Variants in DGKB observed in about 807,000 individuals in gnomAD.
The protein encoded by DGKB is diacylglycerol kinase beta, also known as 90 kDa diacylglycerol kinase.
In DGKB, 67 loss-of-function variants were observed where a neutral mutation model predicts 114.3. The ratio of observed to expected loss-of-function variants is 0.59; its 90% CI spans 0.48 to 0.72. The LOEUF (loss-of-function observed/expected upper bound fraction) is 0.72, where lower values mean the gene tolerates loss of function less well. Among genes scored for constraint, DGKB ranks in the 30% least tolerant of loss-of-function variants. DGKB has a pLI of 0.00. For missense variants in DGKB, 907 were observed against 975.2 expected (o/e 0.93, Z 0.93); for synonymous variants, 398 against 323.1 (o/e 1.23, Z -2.49).
chr7:14,755,511 C>A (rs1197912213), intron 3 of DGKB, among the ~76,000 whole-genome samples: 4 of 151,982 alleles, frequency 2.6e-5, no homozygotes, highest in Non-Finnish European at 5.9e-5. Context: ...TCCATTTTTT[C>A]TTGTATAATT....
chr7:14,427,367 C>G (rs2128779065), intron 21 of DGKB, among the ~76,000 whole-genome samples: 1 of 152,220 alleles, frequency 6.6e-6, no homozygotes, highest in African/African-American at 2.4e-5. Context: ...TTGGTCAAAG[C>G]CATTCAACAA....
chr7:14,209,019 A>AGTGTAG, intron 23 of DGKB: 1 of 156,606 alleles, frequency 6.4e-6, no homozygotes, highest in South Asian at 1.9e-4. Flanking sequence ...TTACTGGAGT[A>AGTGTAG]ATATCGACAT....
At chr7:14,870,121 G>C (rs1200902368) in intron 1 of DGKB, among the ~76,000 whole-genome samples, 3 of 152,076 alleles carry the variant, frequency 2.0e-5, no homozygotes, top group Non-Finnish European at 4.4e-5. Flanking sequence ...CCACCTGTAT[G>C]AAAAACCTTT....
At chr7:14,868,238 C>A (rs1200445677) in intron 1 of DGKB, among the ~76,000 whole-genome samples, 2 of 152,060 alleles carry the variant, frequency 1.3e-5, no homozygotes, top group Admixed American at 1.3e-4. Flanking sequence ...GGTACACATT[C>A]TTCAAAGCAA....
chr7:14,954,118 G>A (rs1453782658), intron 1 of DGKB, among the ~76,000 whole-genome samples: 11 of 152,048 alleles, frequency 7.2e-5, no homozygotes, highest in Admixed American at 7.2e-4. Context: ...CTTACAGTAG[G>A]TGTAGAAAGG....
intron 1 of DGKB, among the ~76,000 whole-genome samples, chr7:14,927,509 G>A (rs565723732): frequency 5.3e-5 from 8 of 151,642 alleles, no homozygotes; most frequent in African/African-American, 1.9e-4. Flanking sequence ...CTCTCTAATT[G>A]AAACATTTTA....
chr7:14,741,001 G>A (rs1047234284), intron 4 of DGKB, among the ~76,000 whole-genome samples: 1 of 152,096 alleles, frequency 6.6e-6, no homozygotes, highest in Non-Finnish European at 1.5e-5. Context: ...GTAGCCATTC[G>A]TCTTCAGTCT....
chr7:14,699,705 G>A (rs1035043577), intron 7 of DGKB, among the ~76,000 whole-genome samples: 1 of 152,070 alleles, frequency 6.6e-6, no homozygotes, highest in Non-Finnish European at 1.5e-5. Context: ...ACCTGACAGC[G>A]AAGGAAAAAT....
intron 23 of DGKB, among the ~76,000 whole-genome samples, chr7:14,207,745 AC>A (rs1201867286): frequency 6.6e-6 from 1 of 152,020 alleles, no homozygotes; most frequent in Non-Finnish European, 1.5e-5. Flanking sequence ...TAAGGTGGCA[AC>A]CTTTTTTTAC....
intron 20 of DGKB, among the ~76,000 whole-genome samples, chr7:14,506,006 G>A (rs1481370846): frequency 2.0e-5 from 3 of 151,886 alleles, no homozygotes; most frequent in Non-Finnish European, 4.4e-5. Context: ...TACAAAGCAG[G>A]CCTATGGCAT....
chr7:14,629,928 T>C (rs1349212127), intron 14 of DGKB, among the ~76,000 whole-genome samples: 1 of 151,920 alleles, frequency 6.6e-6, no homozygotes, highest in African/African-American at 2.4e-5. Context: ...AAAATGGGAG[T>C]GGCACTATTT....
intron 17 of DGKB, among the ~76,000 whole-genome samples, chr7:14,583,554 G>A (rs184166908): frequency 1.9e-3 from 289 of 152,258 alleles, no homozygotes; most frequent in Middle Eastern, 6.8e-3. Context: ...AAATGTGACA[G>A]TTATGTCAGT....
chr7:14,622,251 C>A (rs1452448295), intron 14 of DGKB, among the ~76,000 whole-genome samples: 1 of 152,104 alleles, frequency 6.6e-6, no homozygotes, highest in Non-Finnish European at 1.5e-5. Context: ...CAGGACACTT[C>A]TTTCTCTGAG....
In DGKB at chr7:14,680,848, CTG is replaced by C. The variant is rs1362750250; in HGVS notation, c.1035+1703_1035+1704del. 4.0e-5 allele frequency among the ~76,000 whole-genome samples: 6 copies of C among 151,878 alleles called. No individual in the cohort carries two copies. In the East Asian group the frequency reaches 9.7e-4, roughly 24 times the overall value. Reference sequence around the variant, plus strand: ...AATGCATGTTTTTAGAGGGTTCAAACTGAGTACACACTTAAAAACATTGATTT... The same window carrying C: ...AATGCATGTTTTTAGAGGGTTCAAACAGTACACACTTAAAAACATTGATTT... On this transcript the variant is annotated intron_variant, in intron 12 of 25. Transcript: ENST00000402815.
chr7:14,303,823 C>T (rs769925784), intron 23 of DGKB, among the ~76,000 whole-genome samples: 16 of 152,210 alleles, frequency 1.1e-4, no homozygotes, highest in Non-Finnish European at 1.6e-4. Flanking sequence ...TGGCCCAGCA[C>T]TTGCTGCTGA....
intron 21 of DGKB, among the ~76,000 whole-genome samples, chr7:14,429,738 T>C (rs1038454365): frequency 1.3e-5 from 2 of 152,094 alleles, no homozygotes; most frequent in Non-Finnish European, 2.9e-5. Context: ...CTGGCCAACA[T>C]GGCAAAACCC....
chr7:14,685,850 A>C (rs1160311245), intron 9 of DGKB, among the ~76,000 whole-genome samples: 1 of 152,166 alleles, frequency 6.6e-6, no homozygotes, highest in Non-Finnish European at 1.5e-5. Flanking sequence ...TGGCAGAGGA[A>C]TGGGATGGGA....
At chr7:14,970,349 A>G (rs1787387646) in intron 1 of DGKB, among the ~76,000 whole-genome samples, 1 of 152,134 alleles carries the variant, frequency 6.6e-6, no homozygotes, top group Admixed American at 6.5e-5. Context: ...TAGACAATAT[A>G]GCAAACAAAT....
At chr7:14,262,113 A>G (rs1479732219) in intron 23 of DGKB, among the ~76,000 whole-genome samples, 3 of 152,218 alleles carry the variant, frequency 2.0e-5, no homozygotes, top group Admixed American at 6.6e-5. Flanking sequence ...CCTCTGGAAT[A>G]TAGGAGCTTC....
Sources: gnomAD v4.1 joint callset for allele counts (sites outside exome capture counted in the v4.1 genomes callset) on GRCh38, gnomAD v4.1.1 for gene constraint, MANE v1.5 for transcripts, NCBI Gene and HGNC (gene_info 2026-07-23, HGNC 2026-07-21) for gene names.